SHC2: variants seen among roughly 807,000 people sequenced by gnomAD.
The protein encoded by SHC2 is SHC-transforming protein 2.
SHC2 carries 62 observed loss-of-function variants against 60.6 expected under a neutral mutation model. That is an observed-to-expected ratio of 1.02 (90% confidence interval 0.83 to 1.26). The LOEUF is 1.26. Ranked by LOEUF, SHC2 falls within the 50% of genes most tolerant of loss-of-function variation. The pLI, the probability that SHC2 is intolerant of heterozygous loss-of-function variation, is 0.00. For missense variants in SHC2, 873 were observed against 822.2 expected (o/e 1.06, Z -0.76); for synonymous variants, 375 against 372.4 (o/e 1.01, Z -0.08).
intron 9 of SHC2, among the ~76,000 whole-genome samples, chr19:427,820 G>A (rs1260921461): frequency 1.7e-5 from 2 of 120,706 alleles, no homozygotes; most frequent in Non-Finnish European, 3.4e-5. Context: ...GAAGGGGGCG[G>A]CACAGGGAAG....
At chr19:456,443 C>A (rs1017954953) in intron 1 of SHC2, among the ~76,000 whole-genome samples, 1 of 152,160 alleles carries the variant, frequency 6.6e-6, no homozygotes, top group African/African-American at 2.4e-5. Flanking sequence ...GGGCCACCGC[C>A]GTCCCTCGCA....
At position 422,071 on chromosome 19, in the gene SHC2, GCCCCGAGA is replaced by G; in HGVS notation, c.1620+67_1620+74del. 9.8e-6 allele frequency: 3 copies of G among 307,346 alleles called. 1 individual carries two copies. The Middle Eastern group carries it at 3.3e-3, about 336-fold the overall frequency. 19.0% of individuals were successfully genotyped at this position (307,346 alleles called of 1,614,324 possible). On this transcript the variant is annotated intron_variant, in intron 11 of 12. Transcript: ENST00000264554. The surrounding 1 kb of genome is among the most constrained non-coding windows in gnomAD (Gnocchi z 5.0). The stretch of plus-strand genomic sequence containing the variant: ...CCTGTGCCCAGCGAAGCCCCTGGAT[GCCCCGAGA>G]CCCTCCCACCTGTGCCCAGCGAAGC...
intron 7 of SHC2, chr19:435,877 G>A (rs575031950): frequency 1.6e-4 from 59 of 374,022 alleles, no homozygotes; most frequent in Non-Finnish European, 2.4e-4. Context: ...CCGGCCGCGC[G>A]TCTGGAGGAG....
Position 422,419 on chromosome 19 carries a change from T to C in SHC2, c.1347A>G (p.Ser449=), listed in dbSNP as rs1362482998. The change falls in exon 11 of 13, where the codon TCA becomes TCG. Residue 449 remains serine (S), a synonymous_variant. Transcript: ENST00000264554. The surrounding 1 kb of genome is among the most constrained non-coding windows in gnomAD (Gnocchi z 5.0). The part of the protein sequence containing the change: ...FEDALKLHEC[S]VAAGVTAAPL... ...GGGCTGCTGTCACGCCTGCCGCCAC[T>C]GAGCACTCATGCAACTTCAGGGCAT... 3 of 1,587,198 alleles carry C rather than the reference T, an allele frequency of 1.9e-6. No individual in the cohort carries two copies. In the African/African-American group the frequency reaches 4.0e-5, roughly 21 times the overall value.
In SHC2 at chr19:440,847, G is replaced by A; in HGVS notation, c.539+15C>T. 6.2e-7 allele frequency: 1 copy of A among 1,611,296 alleles called. No individual in the cohort carries two copies. Among genetic ancestry groups the A allele is most frequent in the Non-Finnish European group, 8.5e-7 (1 of 1,178,506 alleles). ...CACTCAGCCCTACGCGGCCAGGGCA[G>A]GGTTGGAGGCTCACCTGGTCACCTG... is the stretch of plus-strand genomic sequence containing the variant. On this transcript the variant is annotated intron_variant, in intron 2 of 12. Coordinates refer to ENST00000264554, the MANE Select transcript of SHC2 (RefSeq NM_012435.3). This position sits in a 1 kb window ranked among gnomAD's most constrained non-coding sequence, Gnocchi z 7.0.
chr19:447,089 C>T (rs112739642), intron 1 of SHC2, among the ~76,000 whole-genome samples: 409 of 152,368 alleles, frequency 2.7e-3, no homozygotes, highest in African/African-American at 9.3e-3. Context: ...TATCTATCAA[C>T]GGATGAACTG....
chr19:418,748 T>C (rs1326983947), intron 12 of SHC2, among the ~76,000 whole-genome samples, 175 bp downstream of exon 12: 1 of 152,014 alleles, frequency 6.6e-6, no homozygotes, highest in Non-Finnish European at 1.5e-5. Context: ...CTTTCGGGGC[T>C]GACAGAATGT....
chr19:448,381 G>A (rs1361951173), intron 1 of SHC2, among the ~76,000 whole-genome samples: 2 of 152,148 alleles, frequency 1.3e-5, no homozygotes, highest in African/African-American at 4.8e-5. Context: ...AGCTTCTGGG[G>A]GCTCCCGGCG....
intron 1 of SHC2, among the ~76,000 whole-genome samples, chr19:458,748 AGCGGGTCCCGGGGAGGCGGAG>A (rs1975454191): frequency 1.6e-5 from 2 of 125,086 alleles, no homozygotes; most frequent in African/African-American, 6.1e-5. Context: ...GGGAGGCGGA[AGCGGGTCCCGGGGAGGCGGAG>A]GCGGGTTCCG....
chr19:436,498 C>A, intron 5 of SHC2, 67 bp from the exon 6 acceptor site: 1 of 1,595,610 alleles, frequency 6.3e-7, no homozygotes, highest in Non-Finnish European at 8.6e-7. Flanking sequence ...CTGCCCACCC[C>A]AGCAATGCAG....
In SHC2 at chr19:440,460, T is replaced by C. The variant is rs1331546424; in HGVS notation, c.539+402A>G. On this transcript the variant is annotated intron_variant, in intron 2 of 12. Coordinates refer to ENST00000264554, the MANE Select transcript of SHC2 (RefSeq NM_012435.3). This position sits in a 1 kb window ranked among gnomAD's most constrained non-coding sequence, Gnocchi z 7.0. ...CTTCCCTGCTTAAGCCCTGGCCATA[T>C]CCACAGCCCCTGTGATTGCTTTCCA... 1.3e-5 allele frequency among the ~76,000 whole-genome samples: 2 copies of C among 152,152 alleles called. No homozygotes were observed. Among genetic ancestry groups the C allele is most frequent in the Non-Finnish European group, 2.9e-5 (2 of 68,030 alleles).
chr19:445,379 G>A lies in SHC2; in HGVS notation c.469-4447C>T, dbSNP rs1007121138. Among the ~76,000 whole-genome samples the A allele has an allele frequency of 1.2e-4, 18 of 152,168 alleles. No homozygotes were observed. Among genetic ancestry groups the A allele is most frequent in the African/African-American group, 1.9e-4 (8 of 41,436 alleles). ...CACGGCCCTCTGTAAAGAGGCCCTCGCCAGACACTGAATCTTCCGGCGCCT... is the reference window on the plus strand; with the variant it reads ...CACGGCCCTCTGTAAAGAGGCCCTCACCAGACACTGAATCTTCCGGCGCCT... On this transcript the variant is annotated intron_variant, in intron 1 of 12. Transcript: ENST00000264554. This position sits in a 1 kb window ranked among gnomAD's most constrained non-coding sequence, Gnocchi z 4.4.
chr19:438,913 T>C lies in SHC2; in HGVS notation c.600+57A>G. The C allele has an allele frequency of 6.4e-7, 1 of 1,555,138 alleles. No homozygotes were observed. Among genetic ancestry groups the C allele is most frequent in the Non-Finnish European group, 8.7e-7 (1 of 1,148,264 alleles). ...AGGGGCTCCCAGGATGGCCGCAGCG[T>C]CCCCACAGCCCCCGACTGCCCCACC... On this transcript the variant is annotated intron_variant, in intron 3 of 12. Coordinates refer to ENST00000264554, the MANE Select transcript of SHC2 (RefSeq NM_012435.3). The surrounding 1 kb of genome is among the most constrained non-coding windows in gnomAD (Gnocchi z 5.0).
chr19:435,328 G>A (rs922620192), intron 7 of SHC2, among the ~76,000 whole-genome samples: 1 of 152,236 alleles, frequency 6.6e-6, no homozygotes, highest in Admixed American at 6.5e-5. Flanking sequence ...ACCCCACCTG[G>A]CCCACAGTCG....
At chr19:459,988 C>T (rs1975500184) in intron 1 of SHC2, among the ~76,000 whole-genome samples, 1 of 152,220 alleles carries the variant, frequency 6.6e-6, no homozygotes, top group African/African-American at 2.4e-5. Context: ...CCCGACTTCC[C>T]CGTGTGTTTG....
At chr19:423,073 T>A (rs553922926) in intron 10 of SHC2, among the ~76,000 whole-genome samples, 1 of 152,136 alleles carries the variant, frequency 6.6e-6, no homozygotes, top group East Asian at 1.9e-4. Context: ...GAGATGCATC[T>A]ACCCGTGGCT....
In SHC2 at chr19:445,509, G is replaced by A. The variant is rs962854460; in HGVS notation, c.469-4577C>T. Among the ~76,000 whole-genome samples the A allele has an allele frequency of 1.3e-5, 2 of 152,192 alleles. No individual in the cohort carries two copies. The highest frequency in any genetic ancestry group is 6.5e-5 in the Admixed American group (1 of 15,274). ...AGCACTTCAGGAGACCTAGGTGGGA[G>A]GCTGTCTCGAAGCCAGGAGTTCAAG... is the stretch of plus-strand genomic sequence containing the variant. On this transcript the variant is annotated intron_variant, in intron 1 of 12. Transcript: ENST00000264554. This position sits in a 1 kb window ranked among gnomAD's most constrained non-coding sequence, Gnocchi z 4.4.
chr19:460,412 G>A (rs1975513542), intron 1 of SHC2, 117 bp downstream of exon 1: 2 of 391,392 alleles, frequency 5.1e-6, no homozygotes, highest in Non-Finnish European at 8.3e-6. Context: ...GGTGGCGGGA[G>A]AGCAGGAAGG....
chr19:429,533 C>T (rs528177395), intron 9 of SHC2, among the ~76,000 whole-genome samples: 2 of 149,254 alleles, frequency 1.3e-5, no homozygotes, highest in East Asian at 4.1e-4. Context: ...GTGGATGACG[C>T]AGTACCTATA....
Sources: gnomAD v4.1 joint callset for allele counts (sites outside exome capture counted in the v4.1 genomes callset) on GRCh38, gnomAD v4.1.1 for gene constraint, Gnocchi (gnomAD v3.1) non-coding constraint, MANE v1.5 for transcripts, NCBI Gene and HGNC (gene_info 2026-07-23, HGNC 2026-07-21) for gene names.